The following COL5A2 variants were observed in gnomAD, a reference collection of about 807,000 sequenced individuals.
COL5A2 encodes the protein collagen alpha-2(V) chain.
A neutral mutation model predicts 208.2 loss-of-function variants in COL5A2; 23 were observed. The ratio of observed to expected loss-of-function variants is 0.11; its 90% CI spans 0.08 to 0.16. The LOEUF is 0.16. Ranked by LOEUF, COL5A2 falls within the 10% of genes least tolerant of loss-of-function variation. The probability of loss-of-function intolerance (pLI) is 1.00; values close to 1 mark genes in which losing one functional copy is unlikely to be tolerated. For synonymous variants in COL5A2, 625 were observed against 628.5 expected (o/e 0.99, Z 0.08); for missense variants, 1,590 against 1,956.4 (o/e 0.81, Z 3.53).
the COL5A2 span, among the ~76,000 whole-genome samples, chr2:189,419,235 TA>T: frequency 6.6e-6 from 1 of 152,202 alleles, no homozygotes; most frequent in Non-Finnish European, 1.5e-5. Context: ...ATCTAGAATT[TA>T]TCTCCTAGTC....
At chr2:189,438,890 A>T in the COL5A2 span, among the ~76,000 whole-genome samples, 4 of 152,174 alleles carry the variant, frequency 2.6e-5, no homozygotes, top group African/African-American at 9.7e-5. Flanking sequence ...TGTTACAATG[A>T]TCTAGGAGAC....
At chr2:189,290,932 T>TC in the COL5A2 span, among the ~76,000 whole-genome samples, 29 of 152,194 alleles carry the variant, frequency 1.9e-4, no homozygotes, top group African/African-American at 6.7e-4. Flanking sequence ...TGAAAGAATG[T>TC]CTTCATTGTA....
At chr2:189,196,292 T>C (rs938783127) in intron 1 of COL5A2, among the ~76,000 whole-genome samples, 2 of 151,272 alleles carry the variant, frequency 1.3e-5, no homozygotes, top group African/African-American at 4.9e-5. Context: ...TTTTCCCTCA[T>C]TATGTATTAT....
intron 1 of COL5A2, among the ~76,000 whole-genome samples, chr2:189,195,300 C>A (rs1318864618): frequency 6.6e-6 from 1 of 152,034 alleles, no homozygotes; most frequent in Non-Finnish European, 1.5e-5. Context: ...AACCATTGCT[C>A]AAGAAAATAA....
At chr2:189,170,085 A>C (rs1391559391) in intron 1 of COL5A2, among the ~76,000 whole-genome samples, 1 of 152,214 alleles carries the variant, frequency 6.6e-6, no homozygotes, top group African/African-American at 2.4e-5. Context: ...ATTAGTTGGG[A>C]GTCACTGCTA....
chr2:189,110,053 T>C (rs1260022022), intron 2 of COL5A2, among the ~76,000 whole-genome samples, 172 bp downstream of exon 2: 2 of 152,228 alleles, frequency 1.3e-5, no homozygotes, highest in African/African-American at 4.8e-5. Context: ...TGTCTGCTTC[T>C]ATCTAACTTT....
chr2:189,113,823 T>C (rs1356364563), intron 1 of COL5A2, among the ~76,000 whole-genome samples: 1 of 151,716 alleles, frequency 6.6e-6, no homozygotes, highest in Non-Finnish European at 1.5e-5. Flanking sequence ...AAAAACAAGA[T>C]GACACGTAAT....
At chr2:189,398,456 TATA>T in the COL5A2 span, among the ~76,000 whole-genome samples, 1 of 152,162 alleles carries the variant, frequency 6.6e-6, no homozygotes, top group East Asian at 1.9e-4. Context: ...ATTTGATACA[TATA>T]ATATGGAAAT....
At chr2:189,085,627 G>T in intron 10 of COL5A2, 92 bp downstream of exon 10, 1 of 1,061,650 alleles carries the variant, frequency 9.4e-7, no homozygotes, top group Non-Finnish European at 1.5e-6. Flanking sequence ...CTACATTAGG[G>T]AGGACCTGGG....
intron 23 of COL5A2, 117 bp from the exon 24 acceptor site, chr2:189,065,174 T>C (rs1421186130): frequency 2.2e-6 from 2 of 903,502 alleles, no homozygotes; most frequent in East Asian, 5.3e-5. Flanking sequence ...CAAGCCAACA[T>C]GGCTATAGAT....
chr2:189,182,076 C>T (rs1427169549), upstream of COL5A2, among the ~76,000 whole-genome samples: 1 of 152,086 alleles, frequency 6.6e-6, no homozygotes, highest in Non-Finnish European at 1.5e-5. Flanking sequence ...TTTTAGGGTC[C>T]CACATTACAA....
chr2:189,266,474 A>C, the COL5A2 span, among the ~76,000 whole-genome samples: 1 of 152,022 alleles, frequency 6.6e-6, no homozygotes, highest in African/African-American at 2.4e-5. Flanking sequence ...CACATGGATG[A>C]CCCTTAAAAA....
chr2:189,089,198 G>T (rs542057671), intron 7 of COL5A2, among the ~76,000 whole-genome samples: 1 of 152,246 alleles, frequency 6.6e-6, no homozygotes. Context: ...TTCCATTTTG[G>T]ACTGTTTTTG....
intron 11 of COL5A2, among the ~76,000 whole-genome samples, chr2:189,084,787 T>C (rs1686614445): frequency 6.6e-6 from 1 of 152,216 alleles, no homozygotes; most frequent in Non-Finnish European, 1.5e-5. Context: ...TAAAAATTCC[T>C]TTTAAATAAG....
chr2:189,128,882 T>C (rs1231124220), intron 1 of COL5A2, among the ~76,000 whole-genome samples: 1 of 151,996 alleles, frequency 6.6e-6, no homozygotes, highest in East Asian at 1.9e-4. Context: ...TAGGAAAGTT[T>C]ATCACCGAAA....
chr2:189,230,368 CAA>C, the COL5A2 span, among the ~76,000 whole-genome samples: 3 of 151,622 alleles, frequency 2.0e-5, no homozygotes, highest in South Asian at 4.2e-4. Flanking sequence ...GCAAAGGAAA[CAA>C]GAGAGTCAAA....
chr2:189,230,951 C>A, the COL5A2 span, among the ~76,000 whole-genome samples: 68 of 151,728 alleles, frequency 4.5e-4, no homozygotes, highest in African/African-American at 1.6e-3. Context: ...ATGAATGGAT[C>A]AAAAAATGTA....
chr2:189,424,982 T>C, the COL5A2 span, among the ~76,000 whole-genome samples: 36 of 152,268 alleles, frequency 2.4e-4, 1 homozygote, highest in Admixed American at 4.6e-4. Context: ...TGGAACAAAA[T>C]AGCCCAGAAA....
At chr2:189,104,426 G>A in intron 2 of COL5A2, 149 bp from the exon 3 acceptor site, 1 of 639,506 alleles carries the variant, frequency 1.6e-6, no homozygotes, top group Admixed American at 2.5e-5. Context: ...AATTCAAAAG[G>A]TTTTGGATCA....
Sources: gnomAD v4.1 joint callset for allele counts (sites outside exome capture counted in the v4.1 genomes callset) on GRCh38, gnomAD v4.1.1 for gene constraint, MANE v1.5 for transcripts, NCBI Gene and HGNC (gene_info 2026-07-23, HGNC 2026-07-21) for gene names.